Variants in VPS13C observed in about 807,000 individuals in gnomAD.
VPS13C encodes the protein intermembrane lipid transfer protein VPS13C.
In VPS13C, 358 loss-of-function variants were observed where a neutral mutation model predicts 456.8. That is an observed-to-expected ratio of 0.78 (90% CI 0.72 to 0.86). The LOEUF (loss-of-function observed/expected upper bound fraction) is 0.86. Ranked by LOEUF, VPS13C falls within the 40% of genes least tolerant of loss-of-function variation. The probability of loss-of-function intolerance (pLI) is 0.00; values close to 1 mark genes in which losing one functional copy is unlikely to be tolerated. For missense variants in VPS13C, 4,818 were observed against 4,385.4 expected (o/e 1.10, Z -2.79); for synonymous variants, 1,578 against 1,486.7 (o/e 1.06, Z -1.41).
chr15:61,949,498 C>A lies in VPS13C; in HGVS notation c.4704G>T (p.Lys1568Asn). 6.2e-7 allele frequency: 1 copy of A among 1,613,506 alleles called. No homozygotes were observed. The highest frequency in any genetic ancestry group is 8.5e-7 in the Non-Finnish European group (1 of 1,179,836). ...APFSEPSSSEKESELKPLVGE... is the reference protein window; with the variant it reads ...APFSEPSSSENESELKPLVGE... ...CCACAAGTGGTTTCAGCTCGGATTCCTTCTCAGAAGAGGAAGGCTCAGAGA... is the reference window on the plus strand; with the variant it reads ...CCACAAGTGGTTTCAGCTCGGATTCATTCTCAGAAGAGGAAGGCTCAGAGA... The change falls in exon 42 of 85, where the codon AAG becomes AAT. Residue 1568 changes from lysine (K) to asparagine (N), a missense_variant. Lys to Asn is a moderately conservative substitution (Grantham distance 94). Transcript: ENST00000644861.
intron 24 of VPS13C, among the ~76,000 whole-genome samples, chr15:61,975,856 C>T (rs1195024852): frequency 6.6e-6 from 1 of 151,710 alleles, no homozygotes; most frequent in Non-Finnish European, 1.5e-5. Flanking sequence ...CAAAACAAGT[C>T]CAAAAATATT....
chr15:61,889,994 A>G (rs2042602059), intron 67 of VPS13C, among the ~76,000 whole-genome samples, 171 bp downstream of exon 67: 1 of 152,164 alleles, frequency 6.6e-6, no homozygotes, highest in African/African-American at 2.4e-5. Flanking sequence ...TCATCTTTCT[A>G]TCCTCGGGGC....
chr15:62,039,650 CA>C (rs2048178221), intron 3 of VPS13C, among the ~76,000 whole-genome samples: 2 of 152,082 alleles, frequency 1.3e-5, no homozygotes, highest in South Asian at 4.1e-4. Context: ...ATCAAAACTA[CA>C]ATGATATACC....
At chr15:61,936,416 A>G (rs1596353104) in intron 48 of VPS13C, among the ~76,000 whole-genome samples, 181 bp downstream of exon 48, 1 of 152,080 alleles carries the variant, frequency 6.6e-6, no homozygotes, top group Non-Finnish European at 1.5e-5. Context: ...ACAACAAGTG[A>G]CCCTTCCCCC....
chr15:62,000,223 G>T (rs145566489), intron 16 of VPS13C, among the ~76,000 whole-genome samples: 1 of 152,018 alleles, frequency 6.6e-6, no homozygotes. Context: ...AAAATTAGCC[G>T]GGCGTGGTGG....
At chr15:62,001,800 A>G (rs1244706753) in intron 15 of VPS13C, among the ~76,000 whole-genome samples, 3 of 152,210 alleles carry the variant, frequency 2.0e-5, no homozygotes, top group African/African-American at 7.2e-5. Flanking sequence ...TAGTTTACTG[A>G]GAATGATGAT....
chr15:62,001,718 T>C (rs1242136017), intron 15 of VPS13C, among the ~76,000 whole-genome samples: 3 of 152,184 alleles, frequency 2.0e-5, no homozygotes, highest in African/African-American at 7.2e-5. Flanking sequence ...CCTTCCTGTG[T>C]CCATGTGTTC....
In VPS13C at chr15:61,917,576, G is replaced by C; in HGVS notation, c.7820C>G (p.Thr2607Ser). The part of the protein sequence containing the change: ...ILEHQYKEST[T>S]YISWKEELHR... Reference sequence around the variant, plus strand: ...AAGTTCTTCCTTCCAGGAAATATAAGTGGTAGATTCTTTGTACTGATGCTC... The same window carrying C: ...AAGTTCTTCCTTCCAGGAAATATAACTGGTAGATTCTTTGTACTGATGCTC... Residue 2607 changes from threonine to serine, a missense_variant, in exon 60 of 85, where the codon ACT becomes AGT. By Grantham distance (58) the Thr-to-Ser change is moderately conservative. Around this residue, in one of 3 missense-constraint regions of VPS13C, gnomAD observed 4,552 missense variants for 4,130.6 expected, o/e 1.10. Transcript: ENST00000644861. 6.2e-7 allele frequency: 1 copy of C among 1,613,922 alleles called. No homozygotes were observed. Among genetic ancestry groups the C allele is most frequent in the Non-Finnish European group, 8.5e-7 (1 of 1,179,874 alleles).
chr15:61,920,710 C>A lies in VPS13C; in HGVS notation c.7063-63G>T. 2.7e-6 allele frequency: 4 copies of A among 1,470,236 alleles called. No homozygotes were observed. The East Asian group carries it at 7.3e-5, about 27-fold the overall frequency. 91.1% of individuals were successfully genotyped at this position (1,470,236 alleles called of 1,614,324 possible). A position where few individuals can be genotyped will look rare whatever the true frequency, so the allele number is the denominator to read the frequency against. On this transcript the variant is annotated intron_variant, in intron 55 of 84. Coordinates refer to ENST00000644861, the MANE Select transcript of VPS13C (RefSeq NM_020821.3). ...GCCAGTTGATAATAAAATAAAAATGCTGGAGTTCAGTTCTCCTAAACTGAT... is the reference window on the plus strand; with the variant it reads ...GCCAGTTGATAATAAAATAAAAATGATGGAGTTCAGTTCTCCTAAACTGAT...
At chr15:61,916,309 A>C (rs2043470406) in intron 60 of VPS13C, among the ~76,000 whole-genome samples, 1 of 152,216 alleles carries the variant, frequency 6.6e-6, no homozygotes, top group South Asian at 2.1e-4. Flanking sequence ...TAGATTCAGG[A>C]AGCCTGGCTG....
At chr15:62,012,930 T>C in intron 11 of VPS13C, 109 bp downstream of exon 11, 1 of 604,296 alleles carries the variant, frequency 1.7e-6, no homozygotes, top group Non-Finnish European at 2.7e-6. Context: ...TTTAGTGAAA[T>C]ACAAGTTAAA....
At chr15:61,941,393 G>A (rs886135331) in intron 46 of VPS13C, among the ~76,000 whole-genome samples, 2 of 152,126 alleles carry the variant, frequency 1.3e-5, no homozygotes, top group Non-Finnish European at 2.9e-5. Context: ...GTTTGGAAAT[G>A]AGAAATAAAT....
At chr15:61,898,223 T>C (rs1176169119) in intron 66 of VPS13C, among the ~76,000 whole-genome samples, 4 of 151,862 alleles carry the variant, frequency 2.6e-5, no homozygotes, top group Non-Finnish European at 5.9e-5. Flanking sequence ...GCTAACATCA[T>C]AATGACAGGA....
At chr15:62,015,533 C>G (rs1410697258) in intron 9 of VPS13C, among the ~76,000 whole-genome samples, 1 of 149,638 alleles carries the variant, frequency 6.7e-6, no homozygotes, top group African/African-American at 2.5e-5. Context: ...ACCCAAATGT[C>G]CAACAATGAT....
rs765217835 is a variant in VPS13C at position 61,945,844 on chromosome 15, T to C, written c.5019A>G (p.Gln1673=). Reference sequence around the variant, plus strand: ...CTGTGGCATCTGGATAAAGAGTCAGTTGGAACCTAAAGACTTCATCTCCCA... The same window carrying C: ...CTGTGGCATCTGGATAAAGAGTCAGCTGGAACCTAAAGACTTCATCTCCCA... The part of the protein sequence containing the change: ...SILGDEVFRF[Q]LTLYPDATEG... The change falls in exon 45 of 85, where the codon CAA becomes CAG. Residue 1673 remains glutamine, a synonymous_variant. Coordinates refer to ENST00000644861, the MANE Select transcript of VPS13C (RefSeq NM_020821.3). 6.8e-6 allele frequency: 11 copies of C among 1,612,156 alleles called. No individual in the cohort carries two copies. The highest frequency in any genetic ancestry group is 1.1e-5 in the South Asian group (1 of 90,636).
At chr15:62,020,716 G>T (rs144579997) in intron 8 of VPS13C, among the ~76,000 whole-genome samples, 178 bp from the exon 9 acceptor site, 1 of 151,976 alleles carries the variant, frequency 6.6e-6, no homozygotes, top group South Asian at 2.1e-4. Context: ...ATATTTTGTA[G>T]ACATAACATT....
At position 62,011,965 on chromosome 15, in the gene VPS13C, C is replaced by A. The variant is rs1221183122; in HGVS notation, c.883+142G>T. 7 of 538,268 alleles carry A rather than the reference C, an allele frequency of 1.3e-5. No individual in the cohort carries two copies. The South Asian group carries it at 1.5e-4, about 11-fold the overall frequency. The allele number at this position is 538,268 out of a possible 1,614,324, so 33.3% of individuals were successfully genotyped here. ...TCTATTCCTAAATAATAAGTTATAA[C>A]CCAAACATGTTGTATCATAATAGTA... On this transcript the variant is annotated intron_variant, in intron 12 of 84. Coordinates refer to ENST00000644861, the MANE Select transcript of VPS13C (RefSeq NM_020821.3).
intron 64 of VPS13C, among the ~76,000 whole-genome samples, chr15:61,909,667 C>T (rs2043245934): frequency 6.6e-6 from 1 of 152,134 alleles, no homozygotes; most frequent in Non-Finnish European, 1.5e-5. Flanking sequence ...AAATCAAAGA[C>T]ATTTTATTTT....
intron 60 of VPS13C, among the ~76,000 whole-genome samples, chr15:61,916,385 A>G (rs901706887): frequency 5.9e-5 from 9 of 152,202 alleles, no homozygotes; most frequent in African/African-American, 2.2e-4. Flanking sequence ...TTATCCTCTA[A>G]TTATAGACCA....
Sources: gnomAD v4.1 joint callset for allele counts (sites outside exome capture counted in the v4.1 genomes callset) on GRCh38, gnomAD v4.1.1 for gene constraint, gnomAD v4.1.1 regional missense constraint, MANE v1.5 for transcripts, NCBI Gene and HGNC (gene_info 2026-07-23, HGNC 2026-07-21) for gene names.